The following DLG2 variants were observed in gnomAD, a reference collection of about 807,000 sequenced individuals.
DLG2 encodes disks large homolog 2.
In DLG2, 45 loss-of-function variants were observed where a neutral mutation model predicts 132.5. The ratio of observed to expected loss-of-function variants is 0.34; its 90% confidence interval spans 0.27 to 0.44. The LOEUF is 0.44. Among genes scored for constraint, DLG2 ranks in the 20% least tolerant of loss-of-function variants. The probability of loss-of-function intolerance (pLI) is 1.00; values close to 1 mark genes in which losing one functional copy is unlikely to be tolerated. For synonymous variants in DLG2, 424 were observed against 419.6 expected, an observed-to-expected ratio of 1.01 and a Z score of -0.13; for missense variants, 1,045 against 1,196.9, an observed-to-expected ratio of 0.87 and a Z score of 1.87.
intron 4 of DLG2, among the ~76,000 whole-genome samples, chr11:85,264,225 T>A (rs921417195): frequency 6.6e-6 from 1 of 152,102 alleles, no homozygotes. Flanking sequence ...TCCAGTAGAG[T>A]AAGAAAAGCC....
At chr11:85,083,457 T>A (rs2067500321) in intron 6 of DLG2, among the ~76,000 whole-genome samples, 1 of 152,144 alleles carries the variant, frequency 6.6e-6, no homozygotes, top group Admixed American at 6.5e-5. Flanking sequence ...GTGCCAAGGT[T>A]AAGGATATTC....
At chr11:83,756,221 C>G (rs1442614767) in intron 18 of DLG2, among the ~76,000 whole-genome samples, 2 of 151,010 alleles carry the variant, frequency 1.3e-5, no homozygotes, top group Non-Finnish European at 2.9e-5. Flanking sequence ...GGAGTGAAAT[C>G]CAGAATGCAT....
intron 18 of DLG2, among the ~76,000 whole-genome samples, chr11:83,663,743 C>T (rs2074909505): frequency 6.6e-6 from 1 of 152,114 alleles, no homozygotes. Flanking sequence ...TCCTATAGTT[C>T]AGCAAAGTAA....
intron 7 of DLG2, among the ~76,000 whole-genome samples, chr11:84,433,152 G>T (rs1211515942): frequency 6.6e-6 from 1 of 152,158 alleles, no homozygotes; most frequent in Non-Finnish European, 1.5e-5. Flanking sequence ...TATGAATATT[G>T]ATACTAGTCT....
intron 3 of DLG2, among the ~76,000 whole-genome samples, chr11:85,363,123 AC>A (rs1303488806): frequency 6.6e-6 from 1 of 152,212 alleles, no homozygotes; most frequent in Non-Finnish European, 1.5e-5. Flanking sequence ...TTCGGCAAGT[AC>A]CAAATTATCC....
At chr11:85,386,702 A>G (rs560781679) in intron 3 of DLG2, among the ~76,000 whole-genome samples, 2 of 152,058 alleles carry the variant, frequency 1.3e-5, no homozygotes, top group South Asian at 4.2e-4. Context: ...TATCCTTTAA[A>G]AGAAAGGAGC....
intron 6 of DLG2, among the ~76,000 whole-genome samples, chr11:85,108,735 A>G (rs1260930587): frequency 6.6e-6 from 1 of 152,078 alleles, no homozygotes; most frequent in Non-Finnish European, 1.5e-5. Flanking sequence ...GAGACTCAGT[A>G]AACATTGCTG....
chr11:85,246,946 C>T (rs1037605473), intron 4 of DLG2, among the ~76,000 whole-genome samples: 1 of 152,070 alleles, frequency 6.6e-6, no homozygotes, highest in African/African-American at 2.4e-5. Context: ...ACTAGAATAG[C>T]ATTCCAGAAC....
chr11:84,997,679 T>A (rs1022407603), intron 6 of DLG2: 1 of 152,224 alleles, frequency 6.6e-6, no homozygotes, highest in African/African-American at 2.4e-5. Context: ...TCATCTATGT[T>A]GTTCTCTTGT....
chr11:84,752,506 G>T (rs1199354336), intron 6 of DLG2, among the ~76,000 whole-genome samples: 1 of 148,964 alleles, frequency 6.7e-6, no homozygotes, highest in African/African-American at 2.5e-5. Context: ...AAATACATCT[G>T]TATTTTTAAA....
chr11:84,097,234 C>A (rs999595276), intron 10 of DLG2, among the ~76,000 whole-genome samples: 8 of 152,260 alleles, frequency 5.3e-5, no homozygotes, highest in Non-Finnish European at 8.8e-5. Flanking sequence ...TAGGCTTTGA[C>A]CTTAGGCTTT....
At chr11:84,781,771 G>A (rs1184012242) in intron 6 of DLG2, among the ~76,000 whole-genome samples, 1 of 152,128 alleles carries the variant, frequency 6.6e-6, no homozygotes, top group African/African-American at 2.4e-5. Flanking sequence ...ACTCTTTGCA[G>A]CCATGTAGTA....
At chr11:83,993,434 T>C (rs1046302947) in intron 11 of DLG2, among the ~76,000 whole-genome samples, 3 of 152,144 alleles carry the variant, frequency 2.0e-5, no homozygotes, top group Admixed American at 6.6e-5. Flanking sequence ...TGGTGAAGAA[T>C]TAATGAAGAG....
chr11:85,100,515 A>G (rs926291642), intron 6 of DLG2, among the ~76,000 whole-genome samples: 6 of 152,172 alleles, frequency 3.9e-5, no homozygotes, highest in African/African-American at 7.2e-5. Flanking sequence ...CCTTACTTCA[A>G]TGCAATACGC....
chr11:83,766,178 C>T (rs1422019341), intron 18 of DLG2, among the ~76,000 whole-genome samples: 5 of 150,932 alleles, frequency 3.3e-5, no homozygotes, highest in African/African-American at 1.2e-4. Flanking sequence ...ACTGCAACCT[C>T]TGCCTCCCGA....
intron 15 of DLG2, among the ~76,000 whole-genome samples, chr11:83,887,247 T>A (rs1390996216): frequency 4.6e-5 from 7 of 151,640 alleles, no homozygotes; most frequent in Non-Finnish European, 8.8e-5. Flanking sequence ...ACAGACGCAA[T>A]AAAAAATGAT....
intron 18 of DLG2, among the ~76,000 whole-genome samples, chr11:83,675,988 G>A (rs578240223): frequency 6.6e-6 from 1 of 152,234 alleles, no homozygotes; most frequent in African/African-American, 2.4e-5. Context: ...ACAAGTTATA[G>A]ATGGCTGCTG....
intron 3 of DLG2, among the ~76,000 whole-genome samples, chr11:85,536,703 C>G (rs1463048599): frequency 6.6e-6 from 1 of 152,214 alleles, no homozygotes; most frequent in Non-Finnish European, 1.5e-5. Context: ...CTTGGCAAGC[C>G]CCGCACTCAG....
chr11:83,549,398 G>A (rs1341570650), intron 19 of DLG2, among the ~76,000 whole-genome samples: 1 of 152,108 alleles, frequency 6.6e-6, no homozygotes, highest in African/African-American at 2.4e-5. Context: ...TATAAAATGA[G>A]GTTTGTCATT....
Sources: gnomAD v4.1 joint callset for allele counts (sites outside exome capture counted in the v4.1 genomes callset) on GRCh38, gnomAD v4.1.1 for gene constraint, MANE v1.5 for transcripts, NCBI Gene and HGNC (gene_info 2026-07-23, HGNC 2026-07-21) for gene names.